SVOP: variants seen among roughly 807,000 people sequenced by gnomAD.
SVOP encodes synaptic vesicle 2-related protein.
In SVOP, 17 loss-of-function variants were observed where a neutral mutation model predicts 69.1. That is an observed-to-expected ratio of 0.25 (90% CI 0.17 to 0.37). The LOEUF (loss-of-function observed/expected upper bound fraction) is 0.37, where lower values mean the gene tolerates loss of function less well. Ranked by LOEUF, SVOP falls within the 10% of genes least tolerant of loss-of-function variation. The pLI, the probability that SVOP is intolerant of heterozygous loss-of-function variation, is 1.00. For synonymous variants in SVOP, 238 were observed against 238.6 expected (o/e 1.00, Z 0.02); for missense variants, 435 against 597.5 (o/e 0.73, Z 2.84).
chr12:108,950,139 C>CTGCA lies in SVOP; in HGVS notation c.579-4977_579-4974dup, dbSNP rs1372651416. ...AGTGTAATGGTGCAATCATAGCTCA[C>CTGCA]TGCAGCCTTGAGCTCCTGGGCTCAA... On this transcript the variant is annotated intron_variant, in intron 6 of 15. Coordinates refer to ENST00000610966, the MANE Select transcript of SVOP (RefSeq NM_018711.5). Among the ~76,000 whole-genome samples, 3 of 152,124 alleles carry CTGCA rather than the reference C, an allele frequency of 2.0e-5. No homozygotes were observed. In the East Asian group the frequency reaches 5.8e-4, roughly 29 times the overall value.
rs1222542070 is a variant in SVOP, at chr12:108,912,159, G to A, written c.*376C>T. On this transcript the variant is annotated 3_prime_UTR_variant, in exon 16 of 16. Coordinates refer to ENST00000610966, the MANE Select transcript of SVOP (RefSeq NM_018711.5). ...TGGACAGCAGGTGTCACATGGGCCT[G>A]AGCCTGGACGGTATCTACAGAGAGA... 9.3e-7 allele frequency: 1 copy of A among 1,074,862 alleles called. No individual in the cohort carries two copies. Among genetic ancestry groups the A allele is most frequent in the Non-Finnish European group, 1.1e-6 (1 of 885,014 alleles). 66.6% of individuals were successfully genotyped at this position (1,074,862 alleles called of 1,614,324 possible).
intron 1 of SVOP, among the ~76,000 whole-genome samples, chr12:109,013,510 C>T (rs1184345181): frequency 1.3e-5 from 2 of 152,000 alleles, no homozygotes; most frequent in African/African-American, 2.4e-5. Context: ...TATGCCTCAG[C>T]CTCCTGACTA....
chr12:108,934,634 A>G (rs943696748), intron 10 of SVOP, among the ~76,000 whole-genome samples: 1 of 152,198 alleles, frequency 6.6e-6, no homozygotes, highest in African/African-American at 2.4e-5. Context: ...CGGCCAAGAT[A>G]CAGATCATAA....
Position 109,020,899 on chromosome 12 carries a change from A to T in SVOP, c.-31T>A. 1.4e-6 allele frequency: 1 copy of T among 717,466 alleles called. No homozygotes were observed. The highest frequency in any genetic ancestry group is 2.6e-6 in the Non-Finnish European group (1 of 384,644). 44.4% of individuals were successfully genotyped at this position (717,466 alleles called of 1,614,324 possible). ...CGCTGCGCCAGGATGAGCCCTTCTC[A>T]TGGCCCTTACATGGTAGTGGTGGAT... On this transcript the variant is annotated 5_prime_UTR_variant, in exon 1 of 16. It removes an upstream start codon present in the reference 5' UTR. Coordinates refer to ENST00000610966, the MANE Select transcript of SVOP (RefSeq NM_018711.5).
chr12:109,021,008 G>T lies in SVOP; in HGVS notation c.-140C>A, dbSNP rs1226306459. 11 of 581,096 alleles carry T rather than the reference G, an allele frequency of 1.9e-5. No homozygotes were observed. The highest frequency in any genetic ancestry group is 3.1e-5 in the Non-Finnish European group (10 of 321,046). 36.0% of individuals were successfully genotyped at this position (581,096 alleles called of 1,614,324 possible). A position where few individuals can be genotyped will look rare whatever the true frequency, so the allele number is the denominator to read the frequency against. ...CTGGAGCAGCAGCTGTTCGGGGAGG[G>T]AGCCGCTGGGGACCAGCCCACGAGA... On this transcript the variant is annotated 5_prime_UTR_variant, in exon 1 of 16. Transcript: ENST00000610966.
At chr12:108,969,351 T>C (rs1201389823) in intron 5 of SVOP, among the ~76,000 whole-genome samples, 1 of 140,636 alleles carries the variant, frequency 7.1e-6, no homozygotes, top group Non-Finnish European at 1.5e-5. Flanking sequence ...TCGCTCTCTT[T>C]CTCCTTTCTT....
intron 7 of SVOP, among the ~76,000 whole-genome samples, chr12:108,942,098 T>C (rs561581214): frequency 6.6e-6 from 1 of 152,346 alleles, no homozygotes; most frequent in Non-Finnish European, 1.5e-5. Flanking sequence ...CATACAGTAT[T>C]TGTCTTTTTG....
chr12:108,958,618 G>A (rs2039998968), intron 6 of SVOP, among the ~76,000 whole-genome samples: 1 of 152,188 alleles, frequency 6.6e-6, no homozygotes, highest in Admixed American at 6.5e-5. Context: ...GGTCCACCCT[G>A]GACTGTGGAG....
chr12:108,926,028 C>T (rs1444666069), intron 11 of SVOP, among the ~76,000 whole-genome samples: 2 of 151,710 alleles, frequency 1.3e-5, no homozygotes, highest in East Asian at 3.9e-4. Context: ...AAGCAATTTT[C>T]CCACCTCAGC....
intron 13 of SVOP, 126 bp downstream of exon 13, chr12:108,919,549 G>A: frequency 1.5e-6 from 1 of 669,760 alleles, no homozygotes; most frequent in Non-Finnish European, 2.6e-6. Flanking sequence ...ACCCACACTT[G>A]GGCCTGCACC....
chr12:108,991,055 C>G (rs1457318840), intron 1 of SVOP, among the ~76,000 whole-genome samples: 1 of 152,212 alleles, frequency 6.6e-6, no homozygotes, highest in Non-Finnish European at 1.5e-5. Context: ...CCCGAGGAGT[C>G]TCCACTCTCT....
intron 1 of SVOP, among the ~76,000 whole-genome samples, chr12:109,003,702 G>A (rs1351636189): frequency 2.0e-5 from 3 of 152,160 alleles, no homozygotes. Flanking sequence ...CCAACTCCTG[G>A]GCTCAAGCGA....
chr12:108,941,390 T>C (rs1440225649), intron 7 of SVOP, among the ~76,000 whole-genome samples: 1 of 152,022 alleles, frequency 6.6e-6, no homozygotes, highest in Non-Finnish European at 1.5e-5. Flanking sequence ...GCCTGGCTAA[T>C]TTCTTTTGTA....
At chr12:108,990,318 G>A (rs547080370) in intron 1 of SVOP, among the ~76,000 whole-genome samples, 1 of 152,252 alleles carries the variant, frequency 6.6e-6, no homozygotes, top group East Asian at 1.9e-4. Flanking sequence ...TGGTGTTTAT[G>A]GCTGCATAGT....
chr12:108,956,175 G>A lies in SVOP; in HGVS notation c.578+4748C>T, dbSNP rs561572217. 2.6e-5 allele frequency among the ~76,000 whole-genome samples: 4 copies of A among 151,962 alleles called. No homozygotes were observed. In the South Asian group the frequency reaches 6.2e-4, roughly 24 times the overall value. On this transcript the variant is annotated intron_variant, in intron 6 of 15. Transcript: ENST00000610966. ...AAATTAGCTGGGCGTGGTGTCAGGC[G>A]CCTGTAGTCCCAGCTACTCGGGAGG...
At chr12:108,975,863 G>C (rs2040103830) in intron 4 of SVOP, among the ~76,000 whole-genome samples, 1 of 151,994 alleles carries the variant, frequency 6.6e-6, no homozygotes, top group South Asian at 2.1e-4. Context: ...ACCATGCCCA[G>C]TCAATTTTTG....
chr12:108,979,890 G>A (rs1170162146), intron 2 of SVOP, among the ~76,000 whole-genome samples: 12 of 152,168 alleles, frequency 7.9e-5, no homozygotes, highest in Non-Finnish European at 1.0e-4. Context: ...ACTAAAAGAC[G>A]GCCGGATGCT....
chr12:109,011,476 G>GC (rs1043123828), intron 1 of SVOP, among the ~76,000 whole-genome samples: 21 of 152,150 alleles, frequency 1.4e-4, no homozygotes, highest in African/African-American at 4.1e-4. Flanking sequence ...CCCTCCTTTG[G>GC]CCCCACTAGG....
At position 108,912,297 on chromosome 12, in the gene SVOP, G is replaced by A; in HGVS notation, c.*238C>T. 7.1e-7 allele frequency: 1 copy of A among 1,407,624 alleles called. No individual in the cohort carries two copies. The highest frequency in any genetic ancestry group is 9.2e-7 in the Non-Finnish European group (1 of 1,083,602). The allele number at this position is 1,407,624 out of a possible 1,614,324, so 87.2% of individuals were successfully genotyped here. On this transcript the variant is annotated 3_prime_UTR_variant, in exon 16 of 16. Coordinates refer to ENST00000610966, the MANE Select transcript of SVOP (RefSeq NM_018711.5). ...GTAGTCTTCCCATGTAGATCCACAGGTTATGAACAAAGCTTTCACCACATA... is the reference window on the plus strand; with the variant it reads ...GTAGTCTTCCCATGTAGATCCACAGATTATGAACAAAGCTTTCACCACATA...
Sources: allele counts gnomAD v4.1 joint callset (sites outside exome capture counted in the v4.1 genomes callset), GRCh38; gene constraint gnomAD v4.1.1; transcripts MANE v1.5; gene names NCBI Gene and HGNC (gene_info 2026-07-23, HGNC 2026-07-21).